MARCHF8: variants seen among roughly 807,000 people sequenced by gnomAD.
MARCHF8 encodes membrane associated ring-CH-type finger 8.
MARCHF8 carries 40 observed loss-of-function variants against 51.6 expected under a neutral mutation model. The observed-to-expected ratio is 0.77, with a 90% CI of 0.60 to 1.01. The LOEUF is 1.01. MARCHF8 is among the 50% of genes least tolerant of loss of function. The pLI is 0.00. For missense variants in MARCHF8, 685 were observed against 708.6 expected (o/e 0.97, Z 0.38); for synonymous variants, 263 against 280.3 (o/e 0.94, Z 0.62).
chr10:45,590,878 A>G (rs1290592049), intron 1 of MARCHF8, among the ~76,000 whole-genome samples: 2 of 152,194 alleles, frequency 1.3e-5, no homozygotes, highest in Non-Finnish European at 2.9e-5. Context: ...ACCTGCACTT[A>G]TACATCCAGA....
intron 1 of MARCHF8, among the ~76,000 whole-genome samples, chr10:45,581,143 G>A (rs940582765): frequency 8.5e-5 from 13 of 152,146 alleles, no homozygotes; most frequent in African/African-American, 2.7e-4. Context: ...TATCACCCCA[G>A]GGGATTTTGC....
Position 45,463,149 on chromosome 10 carries a change from A to G in MARCHF8, c.1088+2T>C. ...TAGAATGGCACTTCCTGGCAAACCA[A>G]CCTGCAGACATCCCCTGACGTGGAC... On this transcript the variant is annotated splice_donor_variant, in intron 5 of 7. Coordinates refer to ENST00000453424, the MANE Select transcript of MARCHF8 (RefSeq NM_001282866.2). LOFTEE classifies it high-confidence loss of function. 1.3e-6 allele frequency: 2 copies of G among 1,547,434 alleles called. No individual in the cohort carries two copies. The highest frequency in any genetic ancestry group is 8.7e-7 in the Non-Finnish European group (1 of 1,145,052).
chr10:45,522,363 C>G (rs577700151), intron 2 of MARCHF8, among the ~76,000 whole-genome samples: 1 of 152,280 alleles, frequency 6.6e-6, no homozygotes, highest in South Asian at 2.1e-4. Flanking sequence ...ATCTCCACCA[C>G]TTTCCAGAAA....
intron 2 of MARCHF8, among the ~76,000 whole-genome samples, chr10:45,499,579 C>T (rs2043240005): frequency 6.6e-6 from 1 of 152,126 alleles, no homozygotes; most frequent in Admixed American, 6.5e-5. Context: ...GTCTTAGATC[C>T]ATTTTGAGCT....
At chr10:45,547,524 G>A (rs2133327489) in intron 1 of MARCHF8, among the ~76,000 whole-genome samples, 1 of 152,306 alleles carries the variant, frequency 6.6e-6, no homozygotes, top group African/African-American at 2.4e-5. Context: ...CAATTTCAGA[G>A]ATGTTAGAAT....
chr10:45,514,451 C>T (rs1167326224), intron 2 of MARCHF8, among the ~76,000 whole-genome samples: 1 of 152,264 alleles, frequency 6.6e-6, no homozygotes, highest in Non-Finnish European at 1.5e-5. Context: ...CAGCTGCCAC[C>T]CTACAGCTGC....
At chr10:45,465,048 T>C (rs1419881755) in intron 3 of MARCHF8, among the ~76,000 whole-genome samples, 1 of 151,872 alleles carries the variant, frequency 6.6e-6, no homozygotes, top group African/African-American at 2.4e-5. Context: ...ATAGTCAAAC[T>C]TAGAGAAAAA....
chr10:45,470,108 C>T (rs1280895476), intron 3 of MARCHF8, among the ~76,000 whole-genome samples: 2 of 152,162 alleles, frequency 1.3e-5, no homozygotes, highest in Non-Finnish European at 2.9e-5. Context: ...GCATTTGCCA[C>T]CCATATAAGA....
At chr10:45,587,196 A>G (rs1406232125) in intron 1 of MARCHF8, among the ~76,000 whole-genome samples, 3 of 152,136 alleles carry the variant, frequency 2.0e-5, no homozygotes, top group African/African-American at 7.2e-5. Context: ...TGTGGAGAAA[A>G]TCCAACCAAA....
intron 1 of MARCHF8, among the ~76,000 whole-genome samples, chr10:45,563,436 T>A (rs2044332370): frequency 6.6e-6 from 1 of 152,196 alleles, no homozygotes; most frequent in South Asian, 2.1e-4. Context: ...ATATGAGAGA[T>A]GATAAAGTCT....
chr10:45,591,861 C>T (rs1449124268), intron 1 of MARCHF8, among the ~76,000 whole-genome samples: 1 of 152,242 alleles, frequency 6.6e-6, no homozygotes, highest in Non-Finnish European at 1.5e-5. Flanking sequence ...CTGTCCACCT[C>T]TGTCTTCCTG....
chr10:45,535,517 CCCT>C (rs1157205646), upstream of MARCHF8: 1 of 152,158 alleles, frequency 6.6e-6, no homozygotes, highest in Non-Finnish European at 1.5e-5. Flanking sequence ...TGAAGGACAT[CCCT>C]CCTCACTGTC....
upstream of MARCHF8, among the ~76,000 whole-genome samples, chr10:45,536,591 T>C (rs928916703): frequency 2.5e-4 from 35 of 142,398 alleles, no homozygotes; most frequent in African/African-American, 7.2e-4. Context: ...TTATAAATGT[T>C]AAAAAAAAAA....
intron 1 of MARCHF8, among the ~76,000 whole-genome samples, chr10:45,556,870 T>C (rs1203941752): frequency 6.6e-6 from 1 of 152,176 alleles, no homozygotes; most frequent in African/African-American, 2.4e-5. Flanking sequence ...GAATCAAGTA[T>C]TAAAAAGACA....
At chr10:45,466,479 C>A (rs921597429) in intron 3 of MARCHF8, among the ~76,000 whole-genome samples, 1 of 152,158 alleles carries the variant, frequency 6.6e-6, no homozygotes, top group African/African-American at 2.4e-5. Context: ...CACATGCTTG[C>A]CCCTCATTGC....
At chr10:45,502,561 A>G (rs1159431783) in intron 2 of MARCHF8, among the ~76,000 whole-genome samples, 4 of 152,226 alleles carry the variant, frequency 2.6e-5, no homozygotes, top group Non-Finnish European at 5.9e-5. Flanking sequence ...AAAAGGATGC[A>G]TTACTTATAG....
At chr10:45,493,536 T>C (rs1010459588) in intron 2 of MARCHF8, among the ~76,000 whole-genome samples, 2 of 152,212 alleles carry the variant, frequency 1.3e-5, no homozygotes, top group Non-Finnish European at 2.9e-5. Context: ...CACAGCCTCA[T>C]GCCCTCTAGA....
chr10:45,518,713 T>TA (rs1277244298), intron 2 of MARCHF8, among the ~76,000 whole-genome samples: 1 of 152,212 alleles, frequency 6.6e-6, no homozygotes, highest in East Asian at 1.9e-4. Context: ...GGAAATCCGT[T>TA]TCCACATTAT....
chr10:45,586,289 T>G (rs34516867), intron 1 of MARCHF8, among the ~76,000 whole-genome samples: 9,382 of 152,202 alleles, frequency 0.062, 325 homozygotes, highest in Non-Finnish European at 0.066. Flanking sequence ...GTTCTAGAAT[T>G]ACACATCAAT....
Sources: allele counts gnomAD v4.1 joint callset (sites outside exome capture counted in the v4.1 genomes callset), GRCh38; gene constraint gnomAD v4.1.1; transcripts MANE v1.5; gene names NCBI Gene and HGNC (gene_info 2026-07-23, HGNC 2026-07-21).